Variants in CCNI observed in about 807,000 individuals in gnomAD.
CCNI encodes the protein cyclin-I.
In CCNI, 14 loss-of-function variants were observed where a neutral mutation model predicts 34.1. That is an observed-to-expected ratio of 0.41 (90% CI 0.27 to 0.64). The LOEUF is 0.64. CCNI is among the 30% of genes least tolerant of loss of function. CCNI has a pLI of 0.31. For synonymous variants in CCNI, 154 were observed against 158.4 expected (o/e 0.97, Z 0.21); for missense variants, 385 against 440.5 (o/e 0.87, Z 1.13).
chr4:77,070,336 T>C (rs1333922489), intron 1 of CCNI, among the ~76,000 whole-genome samples: 2 of 151,462 alleles, frequency 1.3e-5, no homozygotes, highest in Non-Finnish European at 2.9e-5. Flanking sequence ...TTTTTTTTTT[T>C]TGAAGACCAC....
At position 77,056,311 on chromosome 4, in the gene CCNI, AT is replaced by A. The variant is rs1177097780; in HGVS notation, c.255del (p.Lys85AsnfsTer3). On this transcript the variant is annotated frameshift_variant, in exon 4 of 7. Transcript: ENST00000237654. LOFTEE classifies it high-confidence loss of function. ...CAGCTGATTGCAATACAACTCAAGT[AT>A]TTTGGATGAGCCTAAAATTTTGAAG... ...RFLATVKAHP[K>X]YLSCIAISCF... is the part of the protein sequence containing the mutation. 1 of 1,613,426 alleles carries A rather than the reference AT, an allele frequency of 6.2e-7. No homozygotes were observed. Among genetic ancestry groups the A allele is most frequent in the Admixed American group, 1.7e-5 (1 of 60,012 alleles).
rs1027591758 is a variant in CCNI at position 77,066,438 on chromosome 4, T to C, written c.-43-33A>G. On this transcript the variant is annotated intron_variant, in intron 1 of 6. Coordinates refer to ENST00000237654, the MANE Select transcript of CCNI (RefSeq NM_006835.3). Reference sequence around the variant, plus strand: ...ATCAAGTAAGTTTTAAAATTAGTTATAGAATAAGTGTAGCATTATATAAAG... The same window carrying C: ...ATCAAGTAAGTTTTAAAATTAGTTACAGAATAAGTGTAGCATTATATAAAG... The C allele has an allele frequency of 3.0e-5, 46 of 1,552,320 alleles. No homozygotes were observed. In the Middle Eastern group the frequency reaches 6.7e-4, roughly 23 times the overall value.
intron 6 of CCNI, among the ~76,000 whole-genome samples, chr4:77,051,900 C>T (rs1727869017): frequency 1.3e-5 from 2 of 151,434 alleles, no homozygotes; most frequent in Admixed American, 6.6e-5. Flanking sequence ...ATAGTCTGAC[C>T]ACAGCCACCT....
rs1015687003 is a variant in CCNI at position 77,073,755 on chromosome 4, T to C, written c.-44+1717A>G. Reference sequence around the variant, plus strand: ...GTGCCCTGCCTTCCAACATCTGTACTTGGACATAATTCTACCTTTACATTT... The same window carrying C: ...GTGCCCTGCCTTCCAACATCTGTACCTGGACATAATTCTACCTTTACATTT... On this transcript the variant is annotated intron_variant, in intron 1 of 6. Coordinates refer to ENST00000237654, the MANE Select transcript of CCNI (RefSeq NM_006835.3). Among the ~76,000 whole-genome samples, 12 of 152,242 alleles carry C rather than the reference T, an allele frequency of 7.9e-5. 1 individual carries two copies. The highest frequency in any genetic ancestry group is 2.7e-4 in the African/African-American group (11 of 41,472).
At chr4:77,063,240 G>A (rs1186008529) in intron 2 of CCNI, among the ~76,000 whole-genome samples, 1 of 150,954 alleles carries the variant, frequency 6.6e-6, no homozygotes, top group Non-Finnish European at 1.5e-5. Flanking sequence ...AAGGAAACTG[G>A]AGGAAAAAGG....
chr4:77,052,171 G>A (rs570223312), intron 6 of CCNI, among the ~76,000 whole-genome samples: 159 of 143,112 alleles, frequency 1.1e-3, no homozygotes, highest in African/African-American at 3.8e-3. Flanking sequence ...CTTTATGTCC[G>A]CGTGTACCCA....
intron 3 of CCNI, among the ~76,000 whole-genome samples, chr4:77,056,760 T>C (rs975379950): frequency 5.3e-5 from 8 of 151,936 alleles, no homozygotes; most frequent in African/African-American, 1.9e-4. Flanking sequence ...AGCTAATTTT[T>C]TTTTGTATTT....
Position 77,075,668 on chromosome 4 carries a change from C to G in CCNI, c.-240G>C. On this transcript the variant is annotated 5_prime_UTR_variant, in exon 1 of 7. Transcript: ENST00000237654. ...GGGCGCGGGCGCGGGCGCTGGCGCTCGAGCGGGACGCACGGCTGCGGCCGC... is the reference window on the plus strand; with the variant it reads ...GGGCGCGGGCGCGGGCGCTGGCGCTGGAGCGGGACGCACGGCTGCGGCCGC... The G allele has an allele frequency of 1.6e-5, 10 of 619,734 alleles. No individual in the cohort carries two copies. Among genetic ancestry groups the G allele is most frequent in the Non-Finnish European group, 2.0e-5 (10 of 495,722 alleles). The allele number at this position is 619,734 out of a possible 1,614,324, so 38.4% of individuals were successfully genotyped here. A position where few individuals can be genotyped will look rare whatever the true frequency, so the allele number is the denominator to read the frequency against.
chr4:77,051,880 A>G (rs1367981109), intron 6 of CCNI, among the ~76,000 whole-genome samples: 1 of 152,164 alleles, frequency 6.6e-6, no homozygotes, highest in East Asian at 1.9e-4. Flanking sequence ...GCACTGAGGA[A>G]CCTGCTGGAA....
chr4:77,062,833 T>A (rs1728703418), intron 2 of CCNI, among the ~76,000 whole-genome samples: 1 of 152,194 alleles, frequency 6.6e-6, no homozygotes, highest in African/African-American at 2.4e-5. Context: ...CAAATTCATG[T>A]AACAAAATTA....
At chr4:77,061,490 T>C (rs548086839) in intron 2 of CCNI, among the ~76,000 whole-genome samples, 1 of 152,280 alleles carries the variant, frequency 6.6e-6, no homozygotes, top group South Asian at 2.1e-4. Flanking sequence ...TGGTAAAATA[T>C]AGACTGCTAT....
chr4:77,056,075 T>C lies in CCNI; in HGVS notation c.346A>G (p.Arg116Gly). The C allele has an allele frequency of 6.2e-7, 1 of 1,613,844 alleles. No homozygotes were observed. The highest frequency in any genetic ancestry group is 1.1e-5 in the South Asian group (1 of 91,072). ...ERIPVLKVLA[R>G]DSFCGCSSSE... ...GAGGAACATCCACAGAAACTGTCTC[T>C]TGCCAATACCTTTAGTACTGGAATT... is the stretch of plus-strand genomic sequence containing the variant. The change falls in exon 5 of 7, where the codon AGA becomes GGA. Residue 116 changes from arginine to glycine, a missense_variant. By Grantham distance (125) the Arg-to-Gly change is moderately radical. Transcript: ENST00000237654.
Position 77,055,153 on chromosome 4 carries a change from T to C in CCNI, c.687A>G (p.Ala229=). ...LSLTIELLQK[A]QMDSSQLIHC... ...ATTTAATTAGACTGACACCTACCTG[T>C]GCTTTCTGAAGCAGTTCAATTGTAA... The change falls in exon 6 of 7, where the codon GCA becomes GCG. Residue 229 remains alanine, a synonymous_variant. Transcript: ENST00000237654. 1 of 1,601,476 alleles carries C rather than the reference T, an allele frequency of 6.2e-7. No individual in the cohort carries two copies. The highest frequency in any genetic ancestry group is 2.2e-5 in the East Asian group (1 of 44,812).
At chr4:77,064,342 T>C (rs1395440214) in intron 2 of CCNI, among the ~76,000 whole-genome samples, 2 of 152,004 alleles carry the variant, frequency 1.3e-5, no homozygotes, top group Non-Finnish European at 2.9e-5. Context: ...TGTAAAAATA[T>C]ATTATTGTTG....
In CCNI at chr4:77,048,415, G is replaced by T; in HGVS notation, c.938C>A (p.Ala313Asp). The T allele has an allele frequency of 6.2e-7, 1 of 1,614,010 alleles. No individual in the cohort carries two copies. The highest frequency in any genetic ancestry group is 1.1e-5 in the South Asian group (1 of 91,072). The change falls in exon 7 of 7, where the codon GCC becomes GAC. Residue 313 changes from alanine to aspartate, a missense_variant. Physicochemically the swap from Ala to Asp is moderately radical, Grantham distance 126. Transcript: ENST00000237654. ...AGTAGAGGTCTGCTTGCACCCACTG[G>T]CAGCTGGGAGATGATGGTAAAAGGC... is the stretch of plus-strand genomic sequence containing the variant. ...TAAFYHHLPA[A>D]SGCKQTSTKR... is the part of the protein sequence containing the mutation.
Position 77,049,127 on chromosome 4 carries a change from T to A in CCNI, c.691-465A>T, listed in dbSNP as rs4252944. Among the ~76,000 whole-genome samples, 1,138 of 152,194 alleles carry A rather than the reference T, an allele frequency of 7.5e-3. 17 individuals are homozygous for A. Among genetic ancestry groups the A allele is most frequent in the African/African-American group, 0.026 (1,099 of 41,540 alleles). Reference sequence around the variant, plus strand: ...CAAAGGGCAAAAAAAAAATTTTTTTTAATCAGGGATGAGGAGGGAAGCTAA... The same window carrying A: ...CAAAGGGCAAAAAAAAAATTTTTTTAAATCAGGGATGAGGAGGGAAGCTAA... On this transcript the variant is annotated intron_variant, in intron 6 of 6. Coordinates refer to ENST00000237654, the MANE Select transcript of CCNI (RefSeq NM_006835.3).
chr4:77,055,979 A>G lies in CCNI; in HGVS notation c.442T>C (p.Leu148=), dbSNP rs1404926229. The part of the protein sequence containing the change: ...LNWDLHTATP[L]DFLHIFHAIA... Reference sequence around the variant, plus strand: ...ATATTTACAATATGAAGAAAATCCAATGGTGTGGCTGTGTGAAGATCCCAA... The same window carrying G: ...ATATTTACAATATGAAGAAAATCCAGTGGTGTGGCTGTGTGAAGATCCCAA... The change falls in exon 5 of 7, where the codon TTG becomes CTG. Residue 148 remains leucine, a synonymous_variant. Coordinates refer to ENST00000237654, the MANE Select transcript of CCNI (RefSeq NM_006835.3). 16 of 1,611,830 alleles carry G rather than the reference A, an allele frequency of 9.9e-6. No homozygotes were observed. Among genetic ancestry groups the G allele is most frequent in the Non-Finnish European group, 1.3e-5 (15 of 1,178,964 alleles).
At chr4:77,063,394 A>G (rs1728760231) in intron 2 of CCNI, among the ~76,000 whole-genome samples, 2 of 147,456 alleles carry the variant, frequency 1.4e-5, no homozygotes, top group South Asian at 4.4e-4. Context: ...GGAAAATAAG[A>G]GTTAGAACTA....
intron 3 of CCNI, 137 bp from the exon 4 acceptor site, chr4:77,056,460 T>A: frequency 1.6e-6 from 1 of 636,722 alleles, no homozygotes; most frequent in Non-Finnish European, 2.9e-6. Flanking sequence ...TTAATGTGAC[T>A]GCCACTCATT....
Sources: allele counts gnomAD v4.1 joint callset (sites outside exome capture counted in the v4.1 genomes callset), GRCh38; gene constraint gnomAD v4.1.1; transcripts MANE v1.5; gene names NCBI Gene and HGNC (gene_info 2026-07-23, HGNC 2026-07-21).